LIPA: variants seen among roughly 807,000 people sequenced by gnomAD.
LIPA encodes the protein lysosomal acid lipase/cholesteryl ester hydrolase.
A neutral mutation model predicts 40.6 loss-of-function variants in LIPA; 26 were observed. The ratio of observed to expected loss-of-function variants is 0.64; its 90% confidence interval spans 0.47 to 0.89. LIPA has a LOEUF of 0.89. Ranked by LOEUF, LIPA falls within the 40% of genes least tolerant of loss-of-function variation. The pLI is 0.00. For missense variants in LIPA, 455 were observed against 479.6 expected (o/e 0.95, Z 0.48); for synonymous variants, 188 against 168.4 (o/e 1.12, Z -0.90).
chr10:89,295,015 T>C (rs376895198), intron 1 of LIPA, among the ~76,000 whole-genome samples: 1 of 60,260 alleles, frequency 1.7e-5, no homozygotes, highest in Admixed American at 1.6e-4. Flanking sequence ...GGAAAGGAAA[T>C]GAAATGAAAG....
At chr10:89,241,421 C>T (rs543519618) in intron 3 of LIPA, among the ~76,000 whole-genome samples, 1 of 152,258 alleles carries the variant, frequency 6.6e-6, no homozygotes, top group Non-Finnish European at 1.5e-5. Flanking sequence ...GAATTACATC[C>T]CAGATTACCA....
intron 3 of LIPA, among the ~76,000 whole-genome samples, chr10:89,229,483 G>T (rs1241713370): frequency 6.6e-6 from 1 of 152,212 alleles, no homozygotes; most frequent in Non-Finnish European, 1.5e-5. Flanking sequence ...GGGTGTGGTG[G>T]TTCATGCCTG....
chr10:89,267,739 A>AAC (rs1843245294), intron 1 of LIPA, among the ~76,000 whole-genome samples: 1 of 148,794 alleles, frequency 6.7e-6, no homozygotes, highest in East Asian at 1.9e-4. Flanking sequence ...TAAAAAAAAA[A>AAC]AAAGAAACTT....
At position 89,260,450 on chromosome 10, in the gene LIPA, C is replaced by T. The variant is rs182341068; in HGVS notation, c.-1-12801G>A. On this transcript the variant is annotated intron_variant, in intron 1 of 5. Coordinates refer to the LIPA transcript ENST00000282673. ...AAACAGGAAGGCCCAACTCACCTGGCTTATGGATGAGAGGTTGGGTAGCTG... is the reference window on the plus strand; with the variant it reads ...AAACAGGAAGGCCCAACTCACCTGGTTTATGGATGAGAGGTTGGGTAGCTG... Among the ~76,000 whole-genome samples, 5 of 152,320 alleles carry T rather than the reference C, an allele frequency of 3.3e-5. No homozygotes were observed. The East Asian group carries it at 7.7e-4, about 23-fold the overall frequency.
At chr10:89,298,132 C>T (rs1843425947) in intron 1 of LIPA, among the ~76,000 whole-genome samples, 1 of 152,184 alleles carries the variant, frequency 6.6e-6, no homozygotes, top group Non-Finnish European at 1.5e-5. Context: ...ACATCAGCTG[C>T]CCAGGGACTT....
chr10:89,222,693 A>C, intron 7 of LIPA, 111 bp from the exon 8 acceptor site: 1 of 763,982 alleles, frequency 1.3e-6, no homozygotes, highest in Non-Finnish European at 2.3e-6. Context: ...CATAATCTCA[A>C]GTATGTGAGA....
intron 2 of LIPA, chr10:89,378,158 T>G (rs746740919): frequency 6.2e-7 from 1 of 1,613,362 alleles, no homozygotes; most frequent in African/African-American, 1.3e-5. Flanking sequence ...CTTTCTCTGC[T>G]TCACTGACCT....
intron 1 of LIPA, among the ~76,000 whole-genome samples, chr10:89,319,818 A>G (rs1843561547): frequency 6.6e-6 from 1 of 152,242 alleles, no homozygotes; most frequent in African/African-American, 2.4e-5. Context: ...AATATCCTCA[A>G]TAAAATACTG....
chr10:89,368,878 T>C (rs1188053465), intron 2 of LIPA, among the ~76,000 whole-genome samples: 3 of 151,150 alleles, frequency 2.0e-5, no homozygotes, highest in African/African-American at 4.9e-5. Flanking sequence ...CACAAACATA[T>C]AAACTTACAC....
At chr10:89,409,233 C>A (rs879058428) in intron 2 of LIPA, among the ~76,000 whole-genome samples, 1 of 152,152 alleles carries the variant, frequency 6.6e-6, no homozygotes, top group East Asian at 1.9e-4. Context: ...TTAAACCTGG[C>A]AACCTCGGTG....
chr10:89,258,932 C>A (rs1394100727), intron 1 of LIPA, among the ~76,000 whole-genome samples: 1 of 152,040 alleles, frequency 6.6e-6, no homozygotes, highest in Non-Finnish European at 1.5e-5. Context: ...AAACATTATG[C>A]CAAATTTAAA....
intron 2 of LIPA, among the ~76,000 whole-genome samples, chr10:89,378,408 A>G (rs149541700): frequency 1.3e-5 from 2 of 152,298 alleles, no homozygotes; most frequent in African/African-American, 2.4e-5. Context: ...GGTTTACAAC[A>G]GTGGTAACAT....
chr10:89,241,808 A>C (rs1715918450), intron 3 of LIPA, among the ~76,000 whole-genome samples: 1 of 152,172 alleles, frequency 6.6e-6, no homozygotes, highest in African/African-American at 2.4e-5. Context: ...GTGTGTGTAT[A>C]TATATATAAA....
intron 1 of LIPA, among the ~76,000 whole-genome samples, chr10:89,260,017 A>G (rs1256216784): frequency 1.3e-5 from 2 of 152,220 alleles, no homozygotes; most frequent in Admixed American, 1.3e-4. Context: ...AAAATGTACA[A>G]TTTAAATATG....
At chr10:89,218,247 T>G (rs569162210) in intron 8 of LIPA, among the ~76,000 whole-genome samples, 13 of 152,308 alleles carry the variant, frequency 8.5e-5, no homozygotes, top group African/African-American at 2.6e-4. Flanking sequence ...ACCCTCTCCC[T>G]TACTAAGTCT....
intron 1 of LIPA, among the ~76,000 whole-genome samples, chr10:89,282,695 A>G (rs994845498): frequency 6.6e-6 from 1 of 152,224 alleles, no homozygotes; most frequent in Non-Finnish European, 1.5e-5. Flanking sequence ...CGAATCCATT[A>G]TGTGCCAGGC....
At chr10:89,226,656 T>G (rs933079532) in intron 5 of LIPA, among the ~76,000 whole-genome samples, 9 of 152,246 alleles carry the variant, frequency 5.9e-5, no homozygotes, top group Non-Finnish European at 4.4e-5. Flanking sequence ...TCTTGCTTCA[T>G]CTAGGAAAAC....
At chr10:89,314,216 G>T (rs946381974) in intron 1 of LIPA, among the ~76,000 whole-genome samples, 1 of 152,128 alleles carries the variant, frequency 6.6e-6, no homozygotes, top group Non-Finnish European at 1.5e-5. Context: ...TCTGAGTTGG[G>T]TGTGCTATGA....
chr10:89,214,654 G>A lies in LIPA; in HGVS notation c.*174C>T. 1 of 590,974 alleles carries A rather than the reference G, an allele frequency of 1.7e-6. No homozygotes were observed. Among genetic ancestry groups the A allele is most frequent in the Non-Finnish European group, 3.0e-6 (1 of 334,614 alleles). 36.6% of individuals were successfully genotyped at this position (590,974 alleles called of 1,614,324 possible). On this transcript the variant is annotated 3_prime_UTR_variant, in exon 10 of 10. Transcript: ENST00000336233. The stretch of plus-strand genomic sequence containing the variant: ...GCCCTAATTAAAGAAAAAATAGCTA[G>A]TATGTTTCTAATTGAAACTAGAGTG...
Sources: allele counts gnomAD v4.1 joint callset (sites outside exome capture counted in the v4.1 genomes callset), GRCh38; gene constraint gnomAD v4.1.1; transcripts MANE v1.5; gene names NCBI Gene and HGNC (gene_info 2026-07-23, HGNC 2026-07-21).